PRMT3: variants seen among roughly 807,000 people sequenced by gnomAD.
PRMT3 encodes protein arginine methyltransferase 3, also known as protein arginine N-methyltransferase 3.
A neutral mutation model predicts 71.9 loss-of-function variants in PRMT3; 62 were observed. The ratio of observed to expected loss-of-function variants is 0.86; its 90% confidence interval spans 0.70 to 1.07. The LOEUF (loss-of-function observed/expected upper bound fraction) is 1.07, where lower values mean the gene tolerates loss of function less well. Among genes scored for constraint, PRMT3 ranks in the 50% least tolerant of loss-of-function variants. The probability of loss-of-function intolerance (pLI) is 0.00; values close to 1 mark genes in which losing one functional copy is unlikely to be tolerated. For missense variants in PRMT3, 663 were observed against 643.0 expected, an observed-to-expected ratio of 1.03 and a Z score of -0.34; for synonymous variants, 213 against 220.4, an observed-to-expected ratio of 0.97 and a Z score of 0.30.
At chr11:20,419,678 T>G (rs1370524352) in intron 9 of PRMT3, among the ~76,000 whole-genome samples, 1 of 152,204 alleles carries the variant, frequency 6.6e-6, no homozygotes, top group African/African-American at 2.4e-5. Context: ...TTGTTCCTTT[T>G]TTTGGTATTC....
intron 7 of PRMT3, among the ~76,000 whole-genome samples, chr11:20,399,784 C>A (rs538891979): frequency 6.6e-6 from 1 of 152,180 alleles, no homozygotes; most frequent in East Asian, 1.9e-4. Context: ...TGTCAGTAAC[C>A]ATAAGACTTC....
At chr11:20,431,279 A>G (rs1029166780) in intron 10 of PRMT3, among the ~76,000 whole-genome samples, 14 of 152,140 alleles carry the variant, frequency 9.2e-5, no homozygotes, top group African/African-American at 3.4e-4. Flanking sequence ...TCCAGAGGCA[A>G]ACTACCTCCA....
At chr11:20,507,018 A>C (rs1308480106) in intron 15 of PRMT3, among the ~76,000 whole-genome samples, 1 of 152,182 alleles carries the variant, frequency 6.6e-6, no homozygotes, top group African/African-American at 2.4e-5. Context: ...TCAATGGCCA[A>C]TGGCTTTGTC....
chr11:20,443,450 G>C (rs1249274196), intron 10 of PRMT3, among the ~76,000 whole-genome samples: 1 of 152,148 alleles, frequency 6.6e-6, no homozygotes, highest in Non-Finnish European at 1.5e-5. Context: ...CATGTTCGTT[G>C]ACTACATGGA....
chr11:20,433,486 C>T (rs564094727), intron 10 of PRMT3, among the ~76,000 whole-genome samples: 2 of 152,168 alleles, frequency 1.3e-5, no homozygotes, highest in East Asian at 3.9e-4. Flanking sequence ...ATTCCAATTC[C>T]GTATCTTTGT....
At chr11:20,442,706 A>T (rs1232171817) in intron 10 of PRMT3, among the ~76,000 whole-genome samples, 1 of 152,210 alleles carries the variant, frequency 6.6e-6, no homozygotes, top group Non-Finnish European at 1.5e-5. Context: ...CATGACCTGG[A>T]CTAATATTCA....
chr11:20,431,429 A>G (rs1849652854), intron 10 of PRMT3, among the ~76,000 whole-genome samples: 1 of 152,182 alleles, frequency 6.6e-6, no homozygotes, highest in Admixed American at 6.5e-5. Context: ...TTTCTGGCAC[A>G]TAAGATCTCA....
chr11:20,417,048 G>C (rs928800784), intron 9 of PRMT3, among the ~76,000 whole-genome samples: 4 of 152,270 alleles, frequency 2.6e-5, no homozygotes, highest in Admixed American at 6.5e-5. Context: ...TGACTCCAAT[G>C]GTTTGCGTTG....
chr11:20,432,776 A>T (rs1258633929), intron 10 of PRMT3, among the ~76,000 whole-genome samples: 1 of 152,060 alleles, frequency 6.6e-6, no homozygotes, highest in Admixed American at 6.5e-5. Flanking sequence ...ATCACATTAT[A>T]ATTTGTTTGC....
chr11:20,437,899 T>C (rs1449417601), intron 10 of PRMT3, among the ~76,000 whole-genome samples: 1 of 152,202 alleles, frequency 6.6e-6, no homozygotes, highest in Non-Finnish European at 1.5e-5. Flanking sequence ...GGCAGCAGCA[T>C]AGTTTTTAAG....
intron 4 of PRMT3, among the ~76,000 whole-genome samples, chr11:20,392,487 G>T (rs758153762): frequency 6.6e-6 from 1 of 152,064 alleles, no homozygotes; most frequent in African/African-American, 2.4e-5. Flanking sequence ...ATGAATCGGT[G>T]TATGTGAAAA....
At chr11:20,482,611 T>G (rs1246575952) in intron 13 of PRMT3, among the ~76,000 whole-genome samples, 1 of 152,068 alleles carries the variant, frequency 6.6e-6, no homozygotes, top group African/African-American at 2.4e-5. Flanking sequence ...ACCAGGTATT[T>G]TCCTTTTTGA....
At chr11:20,398,304 T>C (rs1420793012) in intron 7 of PRMT3, among the ~76,000 whole-genome samples, 1 of 152,192 alleles carries the variant, frequency 6.6e-6, no homozygotes, top group Non-Finnish European at 1.5e-5. Context: ...TCTCACAATT[T>C]TTATGGTGTA....
intron 13 of PRMT3, among the ~76,000 whole-genome samples, chr11:20,470,555 G>C (rs954849478): frequency 4.6e-5 from 7 of 152,168 alleles, no homozygotes; most frequent in African/African-American, 1.7e-4. Flanking sequence ...GCCCTGCAAA[G>C]GACATGATCT....
At chr11:20,507,554 C>T (rs551799825) in intron 15 of PRMT3, among the ~76,000 whole-genome samples, 1 of 150,974 alleles carries the variant, frequency 6.6e-6, no homozygotes, top group Admixed American at 6.6e-5. Flanking sequence ...GGTAGGTGAG[C>T]GCATCACCTG....
At chr11:20,499,732 A>G (rs932207936) in intron 15 of PRMT3, among the ~76,000 whole-genome samples, 3 of 152,218 alleles carry the variant, frequency 2.0e-5, no homozygotes, top group Non-Finnish European at 4.4e-5. Flanking sequence ...TCACGCTTAA[A>G]TAGACTGATA....
chr11:20,408,389 A>G (rs1849119752), intron 9 of PRMT3, among the ~76,000 whole-genome samples: 1 of 152,016 alleles, frequency 6.6e-6, no homozygotes, highest in South Asian at 2.1e-4. Context: ...TATATTAGTA[A>G]TATTTTCTTT....
At chr11:20,503,873 AGT>A in intron 15 of PRMT3, among the ~76,000 whole-genome samples, 1 of 152,194 alleles carries the variant, frequency 6.6e-6, no homozygotes, top group Non-Finnish European at 1.5e-5. Flanking sequence ...TCTTATGGTA[AGT>A]GTATATTTAA....
chr11:20,506,379 C>T (rs992820380), intron 15 of PRMT3, among the ~76,000 whole-genome samples: 12 of 151,742 alleles, frequency 7.9e-5, no homozygotes, highest in Non-Finnish European at 1.2e-4. Flanking sequence ...CAAATATACA[C>T]ATTAACATAT....
Sources: gnomAD v4.1 joint callset for allele counts (sites outside exome capture counted in the v4.1 genomes callset) on GRCh38, gnomAD v4.1.1 for gene constraint, MANE v1.5 for transcripts, NCBI Gene and HGNC (gene_info 2026-07-23, HGNC 2026-07-21) for gene names.